CASK: variants seen among roughly 807,000 people sequenced by gnomAD.
CASK encodes the protein peripheral plasma membrane protein CASK.
Under a neutral mutation model 82.9 loss-of-function variants are expected in CASK, and 4 were observed. The observed-to-expected ratio is 0.05, with a 90% CI of 0.02 to 0.11. CASK has a LOEUF of 0.11. Ranked by LOEUF, CASK falls within the 10% of genes least tolerant of loss-of-function variation. The probability of loss-of-function intolerance (pLI) is 1.00; values close to 1 mark genes in which losing one functional copy is unlikely to be tolerated. For synonymous variants in CASK, 259 were observed against 253.5 expected, an observed-to-expected ratio of 1.02 and a Z score of -0.20; for missense variants, 358 against 720.9, an observed-to-expected ratio of 0.50 and a Z score of 5.76.
intron 7 of CASK, among the ~76,000 whole-genome samples, chrX:41,662,481 C>T (rs1001111277): frequency 3.6e-5 from 4 of 111,458 alleles, no homozygotes; most frequent in Non-Finnish European, 5.6e-5. Context: ...AGTTCTTTTG[C>T]TCAGAACCAT....
intron 24 of CASK, among the ~76,000 whole-genome samples, chrX:41,531,555 G>A (rs2064804322): frequency 8.9e-6 from 1 of 111,985 alleles, no homozygotes; most frequent in African/African-American, 3.3e-5. Context: ...GTTGGGTCTT[G>A]TGTAGAAGGA....
In CASK at chrX:41,701,992, C is replaced by A. The variant is rs1447116202; in HGVS notation, c.430-30462G>T. Among the ~76,000 whole-genome samples the A allele has an allele frequency of 2.7e-5, 3 of 112,455 alleles. No individual in the cohort carries two copies. In the Admixed American group the frequency reaches 2.8e-4, roughly 11 times the overall value. On this transcript the variant is annotated intron_variant, in intron 5 of 26. Coordinates refer to ENST00000378163, the MANE Select transcript of CASK (RefSeq NM_001367721.1). ...TTCTGTCCAAGCACAATGGTGATTG[C>A]TGAGATGTCTTTTATTTTAAAAAAC...
intron 12 of CASK, among the ~76,000 whole-genome samples, chrX:41,597,758 C>A (rs755675989): frequency 8.9e-6 from 1 of 111,980 alleles, no homozygotes; most frequent in Non-Finnish European, 1.9e-5. Context: ...TATTCAATTA[C>A]TGTACTGGAA....
At chrX:41,745,970 C>T (rs2068679977) in intron 3 of CASK, among the ~76,000 whole-genome samples, 1 of 111,340 alleles carries the variant, frequency 9.0e-6, no homozygotes, top group Non-Finnish European at 1.9e-5. Flanking sequence ...ATGTAGAATA[C>T]AAGGATTTAA....
intron 12 of CASK, among the ~76,000 whole-genome samples, chrX:41,591,134 T>C: frequency 8.9e-6 from 1 of 111,875 alleles, no homozygotes; most frequent in Non-Finnish European, 1.9e-5. Flanking sequence ...CCCAAATCCC[T>C]GTAAAATATA....
intron 3 of CASK, among the ~76,000 whole-genome samples, chrX:41,751,749 C>T (rs989880220): frequency 4.5e-5 from 5 of 111,068 alleles, no homozygotes; most frequent in Admixed American, 2.9e-4. Context: ...CACAGAAAAA[C>T]CTCAATGCTG....
chrX:41,643,888 C>G (rs2066706982), intron 8 of CASK, among the ~76,000 whole-genome samples: 1 of 111,850 alleles, frequency 8.9e-6, no homozygotes. Flanking sequence ...TTTGCCCATT[C>G]AGTATGATAT....
At chrX:41,901,373 G>A (rs928892384) in intron 1 of CASK, among the ~76,000 whole-genome samples, 2 of 110,586 alleles carry the variant, frequency 1.8e-5, no homozygotes, top group African/African-American at 3.3e-5. Flanking sequence ...GGAGGCTGAG[G>A]CAGTAGGATT....
intron 1 of CASK, among the ~76,000 whole-genome samples, chrX:41,870,793 G>A (rs1419255982): frequency 3.6e-5 from 4 of 111,965 alleles, no homozygotes; most frequent in African/African-American, 1.3e-4. Context: ...ACAGTGTTAG[G>A]GGAACTGGTG....
chrX:41,630,447 G>T (rs1273555004), intron 9 of CASK, among the ~76,000 whole-genome samples: 1 of 111,848 alleles, frequency 8.9e-6, no homozygotes, highest in Non-Finnish European at 1.9e-5. Flanking sequence ...CATGAAGTTT[G>T]ATAGGCACAA....
intron 5 of CASK, among the ~76,000 whole-genome samples, chrX:41,738,927 A>G (rs2068547952): frequency 8.9e-6 from 1 of 112,409 alleles, no homozygotes; most frequent in Admixed American, 9.5e-5. Flanking sequence ...ATCGTATTAC[A>G]TGTATAATTA....
intron 5 of CASK, chrX:41,683,096 A>G (rs1474264303): frequency 9.0e-6 from 1 of 111,686 alleles, no homozygotes; most frequent in Non-Finnish European, 1.9e-5. Context: ...CTGAGAACTC[A>G]TCTGCTGCCT....
intron 14 of CASK, chrX:41,585,012 G>A (rs2065635862): frequency 8.9e-6 from 1 of 112,556 alleles, no homozygotes; most frequent in Admixed American, 9.4e-5. Context: ...CTGGGATATG[G>A]AAGGACAAAG....
chrX:41,900,043 TTTTG>T (rs916879172), intron 1 of CASK, among the ~76,000 whole-genome samples: 3 of 108,472 alleles, frequency 2.8e-5, no homozygotes, highest in Non-Finnish European at 5.7e-5. Flanking sequence ...AGGTTTTTTG[TTTTG>T]TTTTTTTTTT....
intron 5 of CASK, among the ~76,000 whole-genome samples, chrX:41,723,607 T>A (rs1360132284): frequency 9.0e-6 from 1 of 111,210 alleles, no homozygotes; most frequent in Non-Finnish European, 1.9e-5. Context: ...ACAGAGTGGG[T>A]TAACTCATTA....
At chrX:41,770,282 A>G (rs982503650) in intron 3 of CASK, among the ~76,000 whole-genome samples, 3 of 97,880 alleles carry the variant, frequency 3.1e-5, no homozygotes, top group Non-Finnish European at 4.1e-5. Context: ...CTATCTATCT[A>G]TCTATCTATC....
At chrX:41,580,868 AG>A (rs2065566269) in intron 14 of CASK, among the ~76,000 whole-genome samples, 1 of 112,554 alleles carries the variant, frequency 8.9e-6, no homozygotes, top group Non-Finnish European at 1.9e-5. Context: ...ATCGTGTAAT[AG>A]GAAAAAAACA....
rs182981744 is a variant in CASK at position 41,565,006 on chromosome X, G to A, written c.1583-3362C>T. Among the ~76,000 whole-genome samples the A allele has an allele frequency of 4.5e-5, 5 of 111,573 alleles. No homozygotes were observed. In the South Asian group the frequency reaches 1.1e-3, roughly 25 times the overall value. ...ACTACTGGGTAAATAACGAAATGAA[G>A]GCTGAAATAAAGATGTTCTTTGAAA... On this transcript the variant is annotated intron_variant, in intron 16 of 26. Transcript: ENST00000378163.
Position 41,799,892 on chromosome X carries a change from G to A in CASK, c.173-12609C>T, listed in dbSNP as rs528123390. Among the ~76,000 whole-genome samples, 26 of 106,898 alleles carry A rather than the reference G, an allele frequency of 2.4e-4. No homozygotes were observed. The South Asian group carries it at 1.0e-2, about 41-fold the overall frequency. 92.8% of individuals were successfully genotyped at this position (106,898 alleles called of 115,157 possible). A position where few individuals can be genotyped will look rare whatever the true frequency, so the allele number is the denominator to read the frequency against. ...GCCCCTTGAGATGGAAGAGCTACTC[G>A]GGGTGGATTTGGCAGCTAGTAAACA... On this transcript the variant is annotated intron_variant, in intron 2 of 26. Coordinates refer to ENST00000378163, the MANE Select transcript of CASK (RefSeq NM_001367721.1).
Sources: gnomAD v4.1 joint callset for allele counts (sites outside exome capture counted in the v4.1 genomes callset) on GRCh38, gnomAD v4.1.1 for gene constraint, MANE v1.5 for transcripts, NCBI Gene and HGNC (gene_info 2026-07-23, HGNC 2026-07-21) for gene names.